ATRNL1: variants seen among roughly 807,000 people sequenced by gnomAD.
ATRNL1 encodes the protein attractin-like protein 1.
A neutral mutation model predicts 182.7 loss-of-function variants in ATRNL1; 95 were observed. The ratio of observed to expected loss-of-function variants is 0.52; its 90% CI spans 0.44 to 0.62. ATRNL1 has a LOEUF of 0.62. ATRNL1 is among the 20% of genes least tolerant of loss of function. The pLI is 0.00. For synonymous variants in ATRNL1, 576 were observed against 568.3 expected, an observed-to-expected ratio of 1.01 and a Z score of -0.19; for missense variants, 1,471 against 1,679.5, an observed-to-expected ratio of 0.88 and a Z score of 2.17.
At chr10:115,384,214 A>G (rs2134241939) in intron 19 of ATRNL1, among the ~76,000 whole-genome samples, 1 of 152,138 alleles carries the variant, frequency 6.6e-6, no homozygotes. Context: ...AACTATATGT[A>G]TTTTATCTTC....
intron 19 of ATRNL1, among the ~76,000 whole-genome samples, chr10:115,386,981 G>A (rs906628058): frequency 2.0e-5 from 3 of 151,278 alleles, no homozygotes; most frequent in Non-Finnish European, 2.9e-5. Flanking sequence ...TGTTTATTGC[G>A]GCACTATTCA....
At chr10:115,352,302 T>C (rs1856296145) in intron 19 of ATRNL1, among the ~76,000 whole-genome samples, 1 of 152,048 alleles carries the variant, frequency 6.6e-6, no homozygotes. Flanking sequence ...CTATAACTTA[T>C]TCATTTGTGC....
At chr10:115,915,126 G>A (rs954743609) in intron 28 of ATRNL1, among the ~76,000 whole-genome samples, 2 of 152,098 alleles carry the variant, frequency 1.3e-5, no homozygotes, top group African/African-American at 2.4e-5. Flanking sequence ...GGCTGGGTGC[G>A]GTGGCTCACA....
At chr10:115,388,805 AATTTT>A (rs1843812199) in intron 19 of ATRNL1, among the ~76,000 whole-genome samples, 1 of 151,730 alleles carries the variant, frequency 6.6e-6, no homozygotes, top group African/African-American at 2.4e-5. Context: ...TTATGTTTTG[AATTTT>A]ATTTTTAATT....
chr10:115,893,413 G>A (rs944749865), intron 28 of ATRNL1, among the ~76,000 whole-genome samples: 1 of 152,202 alleles, frequency 6.6e-6, no homozygotes, highest in Admixed American at 6.5e-5. Flanking sequence ...TGCAATCTGT[G>A]TGCCTTTTAT....
intron 28 of ATRNL1, among the ~76,000 whole-genome samples, chr10:115,899,651 C>T (rs2134486060): frequency 6.6e-6 from 1 of 152,192 alleles, no homozygotes; most frequent in African/African-American, 2.4e-5. Flanking sequence ...ATTAATATAC[C>T]TCCATATAGC....
chr10:115,747,885 T>C (rs1555069601), intron 27 of ATRNL1, among the ~76,000 whole-genome samples: 2 of 152,030 alleles, frequency 1.3e-5, no homozygotes, highest in Non-Finnish European at 2.9e-5. Context: ...TGTATCCTCT[T>C]ATGGTGAAAG....
chr10:115,747,429 T>A (rs2960641), intron 27 of ATRNL1, among the ~76,000 whole-genome samples: 1 of 152,026 alleles, frequency 6.6e-6, no homozygotes, highest in Non-Finnish European at 1.5e-5. Context: ...ACTGGATCGA[T>A]AACTCAGTGG....
chr10:115,329,547 C>T (rs539720574), intron 18 of ATRNL1, among the ~76,000 whole-genome samples: 16 of 152,142 alleles, frequency 1.1e-4, no homozygotes, highest in African/African-American at 3.6e-4. Context: ...TGTTTGCTTT[C>T]TATATTAAGT....
chr10:115,686,141 A>G (rs954534543), intron 26 of ATRNL1, among the ~76,000 whole-genome samples: 1 of 151,936 alleles, frequency 6.6e-6, no homozygotes, highest in African/African-American at 2.4e-5. Flanking sequence ...TTTTATTTGA[A>G]TATGAATAGC....
At chr10:115,789,989 A>G (rs76195229) in intron 27 of ATRNL1, among the ~76,000 whole-genome samples, 7,166 of 152,318 alleles carry the variant, frequency 0.047, 492 homozygotes, top group African/African-American at 0.15. Context: ...GAGACAAAGA[A>G]TAAGCAGACT....
At chr10:115,098,852 A>G (rs1554863896) in intron 1 of ATRNL1, among the ~76,000 whole-genome samples, 1 of 152,148 alleles carries the variant, frequency 6.6e-6, no homozygotes, top group African/African-American at 2.4e-5. Context: ...CCTTCTTAGT[A>G]TTGTCAAAAA....
At chr10:115,296,209 A>G (rs1407638533) in intron 15 of ATRNL1, among the ~76,000 whole-genome samples, 1 of 152,138 alleles carries the variant, frequency 6.6e-6, no homozygotes, top group Non-Finnish European at 1.5e-5. Context: ...AACAGATCCA[A>G]TCCAGGTGGA....
intron 24 of ATRNL1, among the ~76,000 whole-genome samples, chr10:115,512,005 G>A (rs782624951): frequency 7.9e-5 from 12 of 151,542 alleles, no homozygotes; most frequent in Non-Finnish European, 1.6e-4. Flanking sequence ...AATTATTACC[G>A]AAGACAGAAT....
rs34068379 is a variant in ATRNL1 at position 115,445,430 on chromosome 10, C to CAA, written c.3323-16483_3323-16482dup. 6.5e-4 allele frequency among the ~76,000 whole-genome samples: 17 copies of CAA among 26,134 alleles called. 1 individual carries two copies. Among genetic ancestry groups the CAA allele is most frequent in the East Asian group, 6.1e-3 (2 of 330 alleles). The allele number at this position is 26,134 out of a possible 152,430, so 17.1% of individuals were successfully genotyped here. ...TGGGTGACAGAGTGAGATTTCGCCT[C>CAA]AAAAAAAAAAAAAAAAAAAAAAAAA... On this transcript the variant is annotated intron_variant, in intron 21 of 28. Coordinates refer to ENST00000355044, the MANE Select transcript of ATRNL1 (RefSeq NM_207303.4).
chr10:115,889,360 CAG>C (rs1952026005), intron 28 of ATRNL1, among the ~76,000 whole-genome samples: 1 of 122,464 alleles, frequency 8.2e-6, no homozygotes, highest in Non-Finnish European at 1.6e-5. Context: ...GTTTTTGAGA[CAG>C]AGTCTTGCTC....
intron 8 of ATRNL1, among the ~76,000 whole-genome samples, chr10:115,210,500 A>C (rs1039905485): frequency 2.6e-4 from 39 of 151,898 alleles, no homozygotes; most frequent in Non-Finnish European, 5.0e-4. Flanking sequence ...CTGGCTCCTC[A>C]CAACCACCAG....
At chr10:115,453,986 T>C (rs1206772430) in intron 21 of ATRNL1, among the ~76,000 whole-genome samples, 1 of 152,112 alleles carries the variant, frequency 6.6e-6, no homozygotes, top group African/African-American at 2.4e-5. Flanking sequence ...CATTGTGAAG[T>C]TCTCTGTTGA....
At chr10:115,410,263 C>T (rs1283343043) in intron 20 of ATRNL1, among the ~76,000 whole-genome samples, 2 of 150,158 alleles carry the variant, frequency 1.3e-5, no homozygotes, top group African/African-American at 4.9e-5. Flanking sequence ...TTGTTTACTG[C>T]TATTTTTTCA....
Sources: gnomAD v4.1 joint callset for allele counts (sites outside exome capture counted in the v4.1 genomes callset) on GRCh38, gnomAD v4.1.1 for gene constraint, MANE v1.5 for transcripts, NCBI Gene and HGNC (gene_info 2026-07-23, HGNC 2026-07-21) for gene names.